Variants in AS3MT observed in about 807,000 individuals in gnomAD.
AS3MT encodes arsenite methyltransferase, also known as S-adenosyl-L-methionine:arsenic(III) methyltransferase.
Under a neutral mutation model 45.3 loss-of-function variants are expected in AS3MT, and 47 were observed. The observed-to-expected ratio is 1.04, with a 90% CI of 0.82 to 1.32. The LOEUF (loss-of-function observed/expected upper bound fraction) is 1.32. AS3MT is among the 40% of genes most tolerant of loss of function. The pLI is 0.00. For synonymous variants in AS3MT, 141 were observed against 152.8 expected (o/e 0.92, Z 0.57); for missense variants, 396 against 451.1 (o/e 0.88, Z 1.11).
chr10:102,874,236 G>A (rs1037953930), intron 5 of AS3MT, among the ~76,000 whole-genome samples: 61 of 151,242 alleles, frequency 4.0e-4, no homozygotes, highest in African/African-American at 1.5e-3. Flanking sequence ...CTGGGCAACA[G>A]GAGTGAAACA....
intron 9 of AS3MT, among the ~76,000 whole-genome samples, chr10:102,883,516 C>A (rs1365042704): frequency 1.3e-5 from 2 of 151,856 alleles, no homozygotes; most frequent in Non-Finnish European, 2.9e-5. Flanking sequence ...AGTTCGAGAC[C>A]AGCCTGATCA....
chr10:102,886,629 T>C (rs1398849982), intron 9 of AS3MT, among the ~76,000 whole-genome samples: 2 of 151,116 alleles, frequency 1.3e-5, no homozygotes, highest in Non-Finnish European at 2.9e-5. Flanking sequence ...TTCTTTCCTT[T>C]CTTCTTCTTT....
At chr10:102,874,032 ATCACGAGGTCAGGAAT>A (rs1372031910) in intron 5 of AS3MT, among the ~76,000 whole-genome samples, 1 of 152,118 alleles carries the variant, frequency 6.6e-6, no homozygotes, top group African/African-American at 2.4e-5. Flanking sequence ...AGGCAGGTGG[ATCACGAGGTCAGGAAT>A]TCCAGACCAG....
chr10:102,871,546 C>CAAAAAAAAAAA lies in AS3MT; in HGVS notation c.171-880_171-870dup, dbSNP rs748797211. 6.9e-4 allele frequency among the ~76,000 whole-genome samples: 16 copies of CAAAAAAAAAAA among 23,284 alleles called. 1 individual carries two copies. Among genetic ancestry groups the CAAAAAAAAAAA allele is most frequent in the South Asian group, 3.0e-3 (1 of 332 alleles). The allele number at this position is 23,284 out of a possible 152,430, so 15.3% of individuals were successfully genotyped here. A position where few individuals can be genotyped will look rare whatever the true frequency, so the allele number is the denominator to read the frequency against. Reference sequence around the variant, plus strand: ...TGGGTGACAGGGCAAGACTCCGTCTCAAAAAAAAAAAAAAAAAAAAAAAAA... The same window carrying CAAAAAAAAAAA: ...TGGGTGACAGGGCAAGACTCCGTCTCAAAAAAAAAAAAAAAAAAAAAAAAAAAAAAAAAAAA... On this transcript the variant is annotated intron_variant, in intron 3 of 10. Transcript: ENST00000369880.
chr10:102,870,820 A>G (rs1224691297), intron 3 of AS3MT, among the ~76,000 whole-genome samples: 4 of 151,870 alleles, frequency 2.6e-5, no homozygotes, highest in Admixed American at 2.0e-4. Flanking sequence ...CTGCTGTCCC[A>G]CCTACTGCAT....
chr10:102,869,760 C>G (rs1844645194), intron 1 of AS3MT, 45 bp from the exon 2 acceptor site: 2 of 1,613,676 alleles, frequency 1.2e-6, no homozygotes, highest in Non-Finnish European at 1.7e-6. Flanking sequence ...TCATGCCCGT[C>G]CCTCAGCACC....
intron 10 of AS3MT, among the ~76,000 whole-genome samples, chr10:102,897,041 G>A (rs1845184922): frequency 1.3e-5 from 2 of 152,000 alleles, no homozygotes; most frequent in Admixed American, 6.6e-5. Context: ...TATTTTAAAA[G>A]GCTTTTATCA....
chr10:102,896,194 C>T (rs773100934), intron 10 of AS3MT, among the ~76,000 whole-genome samples: 3 of 151,586 alleles, frequency 2.0e-5, no homozygotes, highest in Non-Finnish European at 2.9e-5. Context: ...TAGCTGGGCA[C>T]GGTGGCAAAT....
Position 102,892,985 on chromosome 10 carries a change from A to AAAATAAATAAATAAATAAAT in AS3MT, c.1020+2334_1020+2353dup, listed in dbSNP as rs35801309. 4.3e-5 allele frequency among the ~76,000 whole-genome samples: 6 copies of AAAATAAATAAATAAATAAAT among 138,332 alleles called. 1 individual carries two copies. Among genetic ancestry groups the AAAATAAATAAATAAATAAAT allele is most frequent in the African/African-American group, 1.6e-4 (6 of 36,724 alleles). The allele number at this position is 138,332 out of a possible 152,430, so 90.8% of individuals were successfully genotyped here. On this transcript the variant is annotated intron_variant, in intron 10 of 10. Transcript: ENST00000369880. ...TGGCAACAGAGTGAGACTCTGTCTC[A>AAAATAAATAAATAAATAAAT]AAATAAATAAATAAATAAATAAATA...
chr10:102,872,792 A>G (rs1022435555), intron 4 of AS3MT, among the ~76,000 whole-genome samples, 194 bp downstream of exon 4: 2 of 152,232 alleles, frequency 1.3e-5, no homozygotes, highest in Admixed American at 6.5e-5. Flanking sequence ...GGGCGAACAC[A>G]AGAGTCGGAG....
chr10:102,869,702 C>T lies in AS3MT; in HGVS notation c.2-103C>T, dbSNP rs1468160751. ...CGAGCTGTGTCTCGAGACCTTTGTC[C>T]TCCCCTCACCCCTCGGCCCGCTGCC... On this transcript the variant is annotated intron_variant, in intron 1 of 10. Coordinates refer to ENST00000369880, the MANE Select transcript of AS3MT (RefSeq NM_020682.4). 3.1e-6 allele frequency: 5 copies of T among 1,609,424 alleles called. No individual in the cohort carries two copies. The African/African-American group carries it at 4.0e-5, about 13-fold the overall frequency.
At chr10:102,884,334 C>T (rs1844913751) in intron 9 of AS3MT, among the ~76,000 whole-genome samples, 1 of 151,958 alleles carries the variant, frequency 6.6e-6, no homozygotes, top group African/African-American at 2.4e-5. Context: ...TAATAGATCT[C>T]TTTAACTTAT....
At chr10:102,900,553 C>G in intron 10 of AS3MT, 40 bp from the exon 11 acceptor site, 1 of 1,449,224 alleles carries the variant, frequency 6.9e-7, no homozygotes, top group Non-Finnish European at 9.7e-7. Context: ...CATCAAAACA[C>G]CTTTAACTTG....
chr10:102,881,929 G>A lies in AS3MT; in HGVS notation c.885+2938G>A, dbSNP rs143177256. Among the ~76,000 whole-genome samples the A allele has an allele frequency of 1.3e-3, 193 of 149,482 alleles. 1 individual carries two copies. The highest frequency in any genetic ancestry group is 4.6e-3 in the African/African-American group (186 of 40,832). ...TTTTTATTTTTATTTTTTTGTTGGT[G>A]AGACAGGTTTTTTTTTTTTTTCTTT... is the stretch of plus-strand genomic sequence containing the variant. On this transcript the variant is annotated intron_variant, in intron 9 of 10. Transcript: ENST00000369880. The surrounding 1 kb of genome is among the most constrained non-coding windows in gnomAD (Gnocchi z 4.2).
At position 102,899,974 on chromosome 10, in the gene AS3MT, T is replaced by G. The variant is rs145667683; in HGVS notation, c.1021-619T>G. ...GAGCCACCGTGCCCAGACCCTGTGCTCTTGATTTCCTATCTTTGTACTTGG... is the reference window on the plus strand; with the variant it reads ...GAGCCACCGTGCCCAGACCCTGTGCGCTTGATTTCCTATCTTTGTACTTGG... On this transcript the variant is annotated intron_variant, in intron 10 of 10. Coordinates refer to ENST00000369880, the MANE Select transcript of AS3MT (RefSeq NM_020682.4). Among the ~76,000 whole-genome samples, 119 of 152,338 alleles carry G rather than the reference T, an allele frequency of 7.8e-4. 1 individual carries two copies. Among genetic ancestry groups the G allele is most frequent in the African/African-American group, 2.8e-3 (116 of 41,582 alleles).
At chr10:102,889,685 C>CG (rs1845034281) in intron 9 of AS3MT, among the ~76,000 whole-genome samples, 1 of 144,188 alleles carries the variant, frequency 6.9e-6, no homozygotes, top group South Asian at 2.4e-4. Flanking sequence ...CCACCCCCCC[C>CG]GCCCCTTTCA....
At chr10:102,873,561 C>T (rs536054836) in intron 5 of AS3MT, among the ~76,000 whole-genome samples, 1 of 152,312 alleles carries the variant, frequency 6.6e-6, no homozygotes, top group African/African-American at 2.4e-5. Flanking sequence ...GCTGGGATTA[C>T]AGGTGTGAGG....
rs1844720840 is a variant in AS3MT at position 102,873,097 on chromosome 10, G to A, written c.322G>A (p.Val108Met). 6.4e-7 allele frequency: 1 copy of A among 1,572,914 alleles called. No individual in the cohort carries two copies. The highest frequency in any genetic ancestry group is 1.4e-5 in the African/African-American group (1 of 72,064). The stretch of plus-strand genomic sequence containing the variant: ...CAAAACTATATTTTTCTTACTTTAG[G>A]TGGAAGTGGCTGAAAAGTATCTTGA... ...VTGIDMTKGQVEVAEKYLDYH... is the reference protein window; with the variant it reads ...VTGIDMTKGQMEVAEKYLDYH... The change falls in exon 5 of 11, where the codon GTG becomes ATG. Residue 108 changes from valine (V) to methionine (M), a missense_variant and splice_region_variant. By Grantham distance (21) the Val-to-Met change is conservative. Transcript: ENST00000369880.
At chr10:102,888,881 A>ATTTT (rs869038434) in intron 9 of AS3MT, among the ~76,000 whole-genome samples, 24 of 52,474 alleles carry the variant, frequency 4.6e-4, no homozygotes, top group Non-Finnish European at 6.4e-4. Flanking sequence ...ATATATATAT[A>ATTTT]TTTTTTTTTT....
Sources: allele counts gnomAD v4.1 joint callset (sites outside exome capture counted in the v4.1 genomes callset), GRCh38; gene constraint gnomAD v4.1.1; non-coding constraint Gnocchi (gnomAD v3.1); transcripts MANE v1.5; gene names NCBI Gene and HGNC (gene_info 2026-07-23, HGNC 2026-07-21).